Variants in FGF12 observed in about 807,000 individuals in gnomAD.
FGF12 encodes fibroblast growth factor 12B.
A neutral mutation model predicts 23.6 loss-of-function variants in FGF12; 14 were observed. The observed-to-expected ratio is 0.59, with a 90% CI of 0.39 to 0.93. The LOEUF (loss-of-function observed/expected upper bound fraction) is 0.93, where lower values mean the gene tolerates loss of function less well. Among genes scored for constraint, FGF12 ranks in the 40% least tolerant of loss-of-function variants. FGF12 has a pLI of 0.00. For missense variants in FGF12, 175 were observed against 217.8 expected (o/e 0.80, Z 1.24); for synonymous variants, 62 against 77.3 (o/e 0.80, Z 1.04).
chr3:192,481,686 G>A (rs758655133), intron 2 of FGF12, among the ~76,000 whole-genome samples: 40 of 152,264 alleles, frequency 2.6e-4, no homozygotes, highest in Non-Finnish European at 4.9e-4. Flanking sequence ...ATGGCAGAGC[G>A]AAAAGTGAAG....
At chr3:192,489,333 A>G (rs936348624) in intron 2 of FGF12, among the ~76,000 whole-genome samples, 3 of 152,042 alleles carry the variant, frequency 2.0e-5, no homozygotes, top group African/African-American at 7.2e-5. Context: ...ATGTGAATAT[A>G]AAATTGCACA....
chr3:192,252,462 C>CA (rs56920518), intron 4 of FGF12, among the ~76,000 whole-genome samples: 716 of 27,468 alleles, frequency 0.026, 165 homozygotes, highest in African/African-American at 0.057. Flanking sequence ...GAATCTGTCT[C>CA]AAAAAAAAAA....
At chr3:192,519,166 C>A (rs1724752498) in intron 2 of FGF12, among the ~76,000 whole-genome samples, 1 of 152,182 alleles carries the variant, frequency 6.6e-6, no homozygotes, top group African/African-American at 2.4e-5. Context: ...CAGCTCTCAC[C>A]AGCTCTTCCC....
chr3:192,713,525 T>C (rs1718762726), intron 2 of FGF12, among the ~76,000 whole-genome samples: 1 of 152,222 alleles, frequency 6.6e-6, no homozygotes, highest in Non-Finnish European at 1.5e-5. Flanking sequence ...GCTTTTGCTC[T>C]AAAAGCATTT....
At chr3:192,218,075 G>GATCT (rs1718285363) in intron 4 of FGF12, among the ~76,000 whole-genome samples, 1 of 152,168 alleles carries the variant, frequency 6.6e-6, no homozygotes, top group African/African-American at 2.4e-5. Flanking sequence ...AACCTCAGGT[G>GATCT]GCCCACGTCG....
At chr3:192,439,703 G>A (rs7651615) in intron 2 of FGF12, among the ~76,000 whole-genome samples, 108,609 of 152,028 alleles carry the variant, frequency 0.71, 40,384 homozygotes, top group African/African-American at 0.93. Context: ...ATGGCCAGGC[G>A]TGGTGGCTCA....
intron 2 of FGF12, among the ~76,000 whole-genome samples, chr3:192,595,610 A>C (rs1221929086): frequency 6.6e-6 from 1 of 152,140 alleles, no homozygotes; most frequent in Non-Finnish European, 1.5e-5. Context: ...CTGGGGTGAG[A>C]CTCAAGAATT....
chr3:192,445,637 G>A (rs1722332186), intron 2 of FGF12, among the ~76,000 whole-genome samples: 1 of 152,008 alleles, frequency 6.6e-6, no homozygotes, highest in African/African-American at 2.4e-5. Flanking sequence ...CTGAAAGGTG[G>A]GGGTCTCTCA....
intron 2 of FGF12, among the ~76,000 whole-genome samples, chr3:192,598,325 G>C (rs141021521): frequency 1.3e-5 from 2 of 152,314 alleles, no homozygotes; most frequent in African/African-American, 2.4e-5. Flanking sequence ...CGAGGGGCTA[G>C]AGGCTGGCTT....
chr3:192,499,205 GAAGCAAGGATGATC>G (rs1303442197), intron 2 of FGF12, among the ~76,000 whole-genome samples: 1 of 151,954 alleles, frequency 6.6e-6, no homozygotes, highest in African/African-American at 2.4e-5. Flanking sequence ...TGCTTTGATG[GAAGCAAGGATGATC>G]ATAATCACTT....
At chr3:192,577,732 G>A (rs1414353335) in intron 2 of FGF12, among the ~76,000 whole-genome samples, 1 of 152,166 alleles carries the variant, frequency 6.6e-6, no homozygotes, top group Non-Finnish European at 1.5e-5. Context: ...TTACTCTCCT[G>A]AATAATAACT....
chr3:192,344,531 G>C (rs1380126184), intron 3 of FGF12, among the ~76,000 whole-genome samples: 1 of 152,134 alleles, frequency 6.6e-6, no homozygotes, highest in African/African-American at 2.4e-5. Context: ...TGGCCAAATA[G>C]TCCAACTGAC....
chr3:192,301,467 G>C (rs563245521), intron 4 of FGF12, among the ~76,000 whole-genome samples: 24 of 152,288 alleles, frequency 1.6e-4, no homozygotes, highest in Middle Eastern at 3.4e-3. Context: ...ATATCCAATG[G>C]TATAGAAACA....
At chr3:192,419,721 T>A (rs930821000) in intron 2 of FGF12, among the ~76,000 whole-genome samples, 1 of 152,052 alleles carries the variant, frequency 6.6e-6, no homozygotes, top group African/African-American at 2.4e-5. Context: ...AAATAAGGAA[T>A]CATGAATCAA....
At chr3:192,695,824 G>T (rs1404892843) in intron 2 of FGF12, among the ~76,000 whole-genome samples, 10 of 152,166 alleles carry the variant, frequency 6.6e-5, no homozygotes, top group Admixed American at 6.5e-4. Context: ...AGGGCTGGGT[G>T]CCAGTGGCTA....
chr3:192,288,977 T>C (rs1714613197), intron 4 of FGF12, among the ~76,000 whole-genome samples: 1 of 152,060 alleles, frequency 6.6e-6, no homozygotes, highest in African/African-American at 2.4e-5. Flanking sequence ...CATGTCCGAG[T>C]GCCCTTGACA....
At chr3:192,222,886 A>G (rs989143425) in intron 4 of FGF12, among the ~76,000 whole-genome samples, 1 of 152,146 alleles carries the variant, frequency 6.6e-6, no homozygotes, top group South Asian at 2.1e-4. Context: ...ACTGTTCATT[A>G]GAATTCTGAG....
At chr3:192,160,756 T>G (rs1014164564) in intron 5 of FGF12, among the ~76,000 whole-genome samples, 8 of 152,180 alleles carry the variant, frequency 5.3e-5, no homozygotes, top group African/African-American at 1.4e-4. Context: ...TATTCCTATC[T>G]ACTATGCTAC....
At chr3:192,473,780 C>T (rs779189955) in intron 2 of FGF12, among the ~76,000 whole-genome samples, 1 of 152,182 alleles carries the variant, frequency 6.6e-6, no homozygotes, top group Non-Finnish European at 1.5e-5. Flanking sequence ...ACCAAAAGAA[C>T]GGTGAGCAGA....
Sources: allele counts gnomAD v4.1 joint callset (sites outside exome capture counted in the v4.1 genomes callset), GRCh38; gene constraint gnomAD v4.1.1; transcripts MANE v1.5; gene names NCBI Gene and HGNC (gene_info 2026-07-23, HGNC 2026-07-21).